U2SURP: variants seen among roughly 807,000 people sequenced by gnomAD.
U2SURP encodes U2 snRNP associated SURP domain containing.
A neutral mutation model predicts 144.9 loss-of-function variants in U2SURP; 9 were observed. That is an observed-to-expected ratio of 0.06 (90% confidence interval 0.04 to 0.11). U2SURP has a LOEUF of 0.11. Among genes scored for constraint, U2SURP ranks in the 10% least tolerant of loss-of-function variants. The pLI, the probability that U2SURP is intolerant of heterozygous loss-of-function variation, is 1.00. For synonymous variants in U2SURP, 408 were observed against 396.8 expected (o/e 1.03, Z -0.33); for missense variants, 724 against 1,226.7 (o/e 0.59, Z 6.12).
intron 24 of U2SURP, among the ~76,000 whole-genome samples, chr3:143,049,703 T>C (rs1053549140): frequency 1.3e-5 from 2 of 152,220 alleles, no homozygotes; most frequent in East Asian, 1.9e-4. Flanking sequence ...TAGGATAGTT[T>C]TTATTTTAAC....
chr3:143,002,627 A>C (rs1545597), intron 1 of U2SURP, among the ~76,000 whole-genome samples: 107,310 of 152,090 alleles, frequency 0.71, 38,259 homozygotes, highest in African/African-American at 0.82. Context: ...GGGACTGTTA[A>C]ATCTTAAAGA....
intron 4 of U2SURP, among the ~76,000 whole-genome samples, chr3:143,015,526 T>G (rs577893484): frequency 4.3e-4 from 66 of 152,186 alleles, no homozygotes; most frequent in Non-Finnish European, 8.4e-4. Context: ...ATCAGATTAT[T>G]TTGTAGTTTA....
chr3:143,027,971 T>TTA (rs998921354), intron 14 of U2SURP, among the ~76,000 whole-genome samples: 2 of 152,212 alleles, frequency 1.3e-5, no homozygotes, highest in African/African-American at 4.8e-5. Context: ...CTCTGAATTG[T>TTA]TACGGTATTC....
At chr3:143,017,075 G>T (rs1367797703) in intron 6 of U2SURP, 100 bp downstream of exon 6, 2 of 1,226,648 alleles carry the variant, frequency 1.6e-6, no homozygotes, top group Non-Finnish European at 2.2e-6. Flanking sequence ...CGTTTTTGGT[G>T]GGGGCAGGGT....
In U2SURP at chr3:143,001,684, A is replaced by G. The variant is rs1299288795; in HGVS notation, c.45+11A>G. Reference sequence around the variant, plus strand: ...AAGGCCAGTTCAAAGGTAATTTCTGACAAAATTTCGTAAGTCAGCGGATCT... The same window carrying G: ...AAGGCCAGTTCAAAGGTAATTTCTGGCAAAATTTCGTAAGTCAGCGGATCT... On this transcript the variant is annotated intron_variant, in intron 1 of 27. Coordinates refer to ENST00000473835, the MANE Select transcript of U2SURP (RefSeq NM_001080415.2). 1.2e-6 allele frequency: 2 copies of G among 1,613,580 alleles called. No homozygotes were observed. The highest frequency in any genetic ancestry group is 1.7e-6 in the Non-Finnish European group (2 of 1,179,770).
At chr3:143,044,135 C>T (rs2108306869) in intron 24 of U2SURP, among the ~76,000 whole-genome samples, 1 of 152,130 alleles carries the variant, frequency 6.6e-6, no homozygotes, top group South Asian at 2.1e-4. Flanking sequence ...GTTATGTTTA[C>T]ATTTTATTAG....
At chr3:143,024,060 A>C in intron 13 of U2SURP, 42 bp downstream of exon 13, 3 of 1,527,368 alleles carry the variant, frequency 2.0e-6, no homozygotes, top group Non-Finnish European at 2.7e-6. Flanking sequence ...AATATAGACA[A>C]TATCCCCTTC....
At chr3:143,045,142 G>A (rs1256056296) in intron 24 of U2SURP, among the ~76,000 whole-genome samples, 1 of 151,962 alleles carries the variant, frequency 6.6e-6, no homozygotes, top group Non-Finnish European at 1.5e-5. Flanking sequence ...AGGTCGAGGC[G>A]GGTGGATCAC....
At chr3:143,027,380 C>A in intron 14 of U2SURP, 127 bp downstream of exon 14, 3 of 666,442 alleles carry the variant, frequency 4.5e-6, no homozygotes, top group Non-Finnish European at 7.2e-6. Context: ...CACCATCCAT[C>A]TCCAGAACTT....
intron 24 of U2SURP, among the ~76,000 whole-genome samples, chr3:143,049,139 G>GCCTGTAATC (rs1430545280): frequency 1.3e-5 from 2 of 150,372 alleles, no homozygotes; most frequent in South Asian, 4.2e-4. Context: ...GGTGGCGTGC[G>GCCTGTAATC]CCTGTAATCC....
intron 6 of U2SURP, among the ~76,000 whole-genome samples, chr3:143,017,632 CT>C (rs1168498450): frequency 1.6e-4 from 24 of 147,768 alleles, no homozygotes; most frequent in Admixed American, 9.5e-4. Context: ...TAAAATTTAC[CT>C]TTTTTTTTTG....
chr3:143,045,758 A>G (rs764456890), intron 24 of U2SURP, among the ~76,000 whole-genome samples: 1 of 152,154 alleles, frequency 6.6e-6, no homozygotes, highest in Non-Finnish European at 1.5e-5. Flanking sequence ...CTCACAACTT[A>G]GTTGTCTTTC....
intron 4 of U2SURP, among the ~76,000 whole-genome samples, chr3:143,014,983 ATATT>A (rs1370295615): frequency 2.6e-5 from 4 of 152,062 alleles, no homozygotes; most frequent in Admixed American, 2.6e-4. Flanking sequence ...GATTTGGGAT[ATATT>A]CTTATAAGTG....
At chr3:143,024,369 CTG>C in intron 13 of U2SURP, 1 of 368,510 alleles carries the variant, frequency 2.7e-6, no homozygotes, top group Non-Finnish European at 5.2e-6. Flanking sequence ...TTGACCCAAT[CTG>C]TTGTTATTTT....
intron 1 of U2SURP, among the ~76,000 whole-genome samples, chr3:143,010,538 C>T (rs1936070691): frequency 6.6e-6 from 1 of 152,156 alleles, no homozygotes; most frequent in Non-Finnish European, 1.5e-5. Context: ...GGTTAGGTTT[C>T]CAGTGTATAC....
chr3:143,050,876 A>G (rs1273367387), intron 24 of U2SURP, 63 bp from the exon 25 acceptor site: 2 of 1,177,600 alleles, frequency 1.7e-6, no homozygotes, highest in Admixed American at 2.2e-5. Flanking sequence ...GAAAAGAAGC[A>G]AAACAGTGCT....
chr3:143,002,800 A>G (rs1935606286), intron 1 of U2SURP, among the ~76,000 whole-genome samples: 1 of 152,228 alleles, frequency 6.6e-6, no homozygotes, highest in South Asian at 2.1e-4. Context: ...ATTAATTCAT[A>G]ATTAGTAATG....
chr3:143,005,686 C>A (rs1180578464), intron 1 of U2SURP, among the ~76,000 whole-genome samples: 1 of 152,022 alleles, frequency 6.6e-6, no homozygotes, highest in Non-Finnish European at 1.5e-5. Flanking sequence ...TTCTGAAAGT[C>A]CAGTTTTTAT....
chr3:143,018,592 T>C (rs184048433), intron 6 of U2SURP, among the ~76,000 whole-genome samples: 1 of 152,110 alleles, frequency 6.6e-6, no homozygotes, highest in East Asian at 1.9e-4. Flanking sequence ...GAAGTGGAAT[T>C]GCTGGGTCAC....
Sources: allele counts gnomAD v4.1 joint callset (sites outside exome capture counted in the v4.1 genomes callset), GRCh38; gene constraint gnomAD v4.1.1; transcripts MANE v1.5; gene names NCBI Gene and HGNC (gene_info 2026-07-23, HGNC 2026-07-21).